The following LHFPL3 variants were observed in gnomAD, a reference collection of about 807,000 sequenced individuals.
LHFPL3 encodes LHFPL tetraspan subfamily member 3 protein.
A neutral mutation model predicts 19.3 loss-of-function variants in LHFPL3; 5 were observed. That is an observed-to-expected ratio of 0.26 (90% CI 0.14 to 0.54). The LOEUF is 0.54. Ranked by LOEUF, LHFPL3 falls within the 20% of genes least tolerant of loss-of-function variation. The pLI is 0.94. For synonymous variants in LHFPL3, 133 were observed against 126.2 expected (o/e 1.05, Z -0.36); for missense variants, 249 against 307.4 (o/e 0.81, Z 1.42).
At chr7:104,614,680 C>T (rs200062981) in intron 1 of LHFPL3, among the ~76,000 whole-genome samples, 1,174 of 93,914 alleles carry the variant, frequency 0.013, 15 homozygotes, top group East Asian at 0.028. Context: ...TCCTTCCTTC[C>T]TTCTTTCTTT....
chr7:104,632,980 A>G (rs1791671194), intron 1 of LHFPL3, among the ~76,000 whole-genome samples: 1 of 152,216 alleles, frequency 6.6e-6, no homozygotes, highest in Non-Finnish European at 1.5e-5. Flanking sequence ...AATACTATAC[A>G]AGTAATTGGA....
intron 1 of LHFPL3, among the ~76,000 whole-genome samples, chr7:104,718,960 T>C (rs1247791855): frequency 6.6e-6 from 1 of 152,178 alleles, no homozygotes; most frequent in East Asian, 1.9e-4. Flanking sequence ...TGGAGAATTA[T>C]GCTCTTTTCT....
In LHFPL3 at chr7:104,565,733, ATC is replaced by A. The variant is rs1562936678; in HGVS notation, c.446-170940_446-170939del. On this transcript the variant is annotated intron_variant, in intron 1 of 2. Transcript: ENST00000424859. The stretch of plus-strand genomic sequence containing the variant: ...TTCCTGTCTGTCTGTCTATCTATCT[ATC>A]TATCTATCTATCTATCTATCTATCT... 1.8e-4 allele frequency among the ~76,000 whole-genome samples: 22 copies of A among 125,204 alleles called. No individual in the cohort carries two copies. The East Asian group carries it at 4.7e-3, about 27-fold the overall frequency. 82.1% of individuals were successfully genotyped at this position (125,204 alleles called of 152,430 possible). A position where few individuals can be genotyped will look rare whatever the true frequency, so the allele number is the denominator to read the frequency against.
intron 1 of LHFPL3, among the ~76,000 whole-genome samples, chr7:104,603,331 G>A (rs1217962351): frequency 6.6e-6 from 1 of 151,888 alleles, no homozygotes; most frequent in Non-Finnish European, 1.5e-5. Context: ...AAGTAGCTGG[G>A]ACTACAGGTG....
intron 2 of LHFPL3, among the ~76,000 whole-genome samples, chr7:104,849,528 C>T (rs899693228): frequency 6.7e-6 from 1 of 148,364 alleles, no homozygotes; most frequent in African/African-American, 2.6e-5. Context: ...CAGTGACATG[C>T]GGCAGATTAA....
intron 1 of LHFPL3, among the ~76,000 whole-genome samples, chr7:104,687,815 G>A (rs942875054): frequency 6.6e-6 from 1 of 152,188 alleles, no homozygotes; most frequent in African/African-American, 2.4e-5. Flanking sequence ...TAAACCTCCA[G>A]AGAAAAGGGG....
At chr7:104,507,656 T>A (rs1408115167) in intron 1 of LHFPL3, among the ~76,000 whole-genome samples, 2 of 115,604 alleles carry the variant, frequency 1.7e-5, no homozygotes, top group Non-Finnish European at 3.6e-5. Flanking sequence ...GAAACTACCA[T>A]CAGAGTGAAC....
At chr7:104,869,470 G>A (rs1791790927) in intron 2 of LHFPL3, among the ~76,000 whole-genome samples, 1 of 152,222 alleles carries the variant, frequency 6.6e-6, no homozygotes, top group South Asian at 2.1e-4. Flanking sequence ...CATTTATGCA[G>A]CCAAAAGACA....
chr7:104,749,809 C>G lies in LHFPL3; in HGVS notation c.682+12898C>G, dbSNP rs536042575. Among the ~76,000 whole-genome samples, 8 of 152,208 alleles carry G rather than the reference C, an allele frequency of 5.3e-5. 1 individual carries two copies. Among genetic ancestry groups the G allele is most frequent in the African/African-American group, 1.9e-4 (8 of 41,514 alleles). ...TTGGTAGTGGCCACTGATTTACCCA[C>G]ACCAGTTTTTCTGTTTTCCAAGTTA... On this transcript the variant is annotated intron_variant, in intron 2 of 2. Transcript: ENST00000424859.
rs117952381 is a variant in LHFPL3, at chr7:104,843,321, C to T, written c.683-62866C>T. 6.9e-3 allele frequency among the ~76,000 whole-genome samples: 1,047 copies of T among 152,338 alleles called. 6 individuals carry two copies. The highest frequency in any genetic ancestry group is 8.9e-3 in the African/African-American group (368 of 41,568). Reference sequence around the variant, plus strand: ...GTCAGTGTGGGACCACAGATAAACACGCACACTTCCACCTCCGTGGTGGAA... The same window carrying T: ...GTCAGTGTGGGACCACAGATAAACATGCACACTTCCACCTCCGTGGTGGAA... On this transcript the variant is annotated intron_variant, in intron 2 of 2. Transcript: ENST00000424859.
chr7:104,838,096 T>C (rs1377351608), intron 2 of LHFPL3, among the ~76,000 whole-genome samples: 2 of 152,202 alleles, frequency 1.3e-5, no homozygotes, highest in African/African-American at 4.8e-5. Context: ...CGGGTATAAC[T>C]TACCTCAATG....
In LHFPL3 at chr7:104,395,551, G is replaced by A. The variant is rs73712119; in HGVS notation, c.445+66327G>A. Among the ~76,000 whole-genome samples, 506 of 152,284 alleles carry A rather than the reference G, an allele frequency of 3.3e-3. 4 individuals are homozygous for A. The highest frequency in any genetic ancestry group is 0.011 in the African/African-American group (471 of 41,556). The stretch of plus-strand genomic sequence containing the variant: ...CCAGAGACACTCTCCATAATTTTAT[G>A]TATTTGGTTATCAGAAGGACCCACT... On this transcript the variant is annotated intron_variant, in intron 1 of 2. Transcript: ENST00000424859.
chr7:104,588,603 C>CT (rs1233905932), intron 1 of LHFPL3, among the ~76,000 whole-genome samples: 1 of 152,102 alleles, frequency 6.6e-6, no homozygotes, highest in African/African-American at 2.4e-5. Flanking sequence ...AATGCAGGCT[C>CT]TTTTTTGGTT....
rs1378445410 is a variant in LHFPL3, at chr7:104,560,148, T to G, written c.446-176527T>G. Among the ~76,000 whole-genome samples, 1,309 of 136,764 alleles carry G rather than the reference T, an allele frequency of 9.6e-3. 6 individuals carry two copies. Among genetic ancestry groups the G allele is most frequent in the African/African-American group, 0.041 (1,212 of 29,252 alleles). 89.7% of individuals were successfully genotyped at this position (136,764 alleles called of 152,430 possible). On this transcript the variant is annotated intron_variant, in intron 1 of 2. Transcript: ENST00000424859. Reference sequence around the variant, plus strand: ...ATATTGGTCTAAAATTCTCTTTTTTTGTTGTGTCTCTGCCCGGCTTTGGTA... The same window carrying G: ...ATATTGGTCTAAAATTCTCTTTTTTGGTTGTGTCTCTGCCCGGCTTTGGTA...
At chr7:104,875,659 G>C (rs1299388787) in intron 2 of LHFPL3, among the ~76,000 whole-genome samples, 4 of 152,138 alleles carry the variant, frequency 2.6e-5, no homozygotes, top group Admixed American at 2.6e-4. Flanking sequence ...ACCTTAACAA[G>C]CCTCTTTAGA....
In LHFPL3 at chr7:104,469,915, A is replaced by G. The variant is rs1409141861; in HGVS notation, c.445+140691A>G. ...TATTAATATCTATATCTAACCTAACATTCCCTCTGAGCACAGTTATAGCAC... is the reference window on the plus strand; with the variant it reads ...TATTAATATCTATATCTAACCTAACGTTCCCTCTGAGCACAGTTATAGCAC... On this transcript the variant is annotated intron_variant, in intron 1 of 2. Transcript: ENST00000424859. 11 of 421,384 alleles carry G rather than the reference A, an allele frequency of 2.6e-5. No individual in the cohort carries two copies. In the Admixed American group the frequency reaches 2.8e-4, roughly 11 times the overall value. The allele number at this position is 421,384 out of a possible 1,614,324, so 26.1% of individuals were successfully genotyped here.
At chr7:104,460,548 G>A (rs377336805) in intron 1 of LHFPL3, among the ~76,000 whole-genome samples, 1 of 152,172 alleles carries the variant, frequency 6.6e-6, no homozygotes, top group East Asian at 1.9e-4. Flanking sequence ...CATTCTGACT[G>A]GTGTGAGATG....
chr7:104,677,197 G>A (rs907875006), intron 1 of LHFPL3, among the ~76,000 whole-genome samples: 1 of 152,044 alleles, frequency 6.6e-6, no homozygotes, highest in African/African-American at 2.4e-5. Flanking sequence ...GCAACACAGT[G>A]AGATCTACAT....
intron 1 of LHFPL3, among the ~76,000 whole-genome samples, chr7:104,685,675 C>A (rs1359055127): frequency 6.6e-6 from 1 of 152,216 alleles, no homozygotes; most frequent in Non-Finnish European, 1.5e-5. Context: ...AAGAAGTCAG[C>A]TGAGCATCAG....
Sources: allele counts gnomAD v4.1 joint callset (sites outside exome capture counted in the v4.1 genomes callset), GRCh38; gene constraint gnomAD v4.1.1; transcripts MANE v1.5; gene names NCBI Gene and HGNC (gene_info 2026-07-23, HGNC 2026-07-21).